Variants in GALNT13 observed in about 807,000 individuals in gnomAD.
GALNT13 encodes polypeptide N-acetylgalactosaminyltransferase 13, also known as UDP-GalNAc:polypeptide N-acetylgalactosaminyltransferase 13.
A neutral mutation model predicts 64.2 loss-of-function variants in GALNT13; 28 were observed. The observed-to-expected ratio is 0.44, with a 90% CI of 0.32 to 0.60. The LOEUF (loss-of-function observed/expected upper bound fraction) is 0.60, where lower values mean the gene tolerates loss of function less well. Ranked by LOEUF, GALNT13 falls within the 20% of genes least tolerant of loss-of-function variation. The probability of loss-of-function intolerance (pLI) is 0.05; values close to 1 mark genes in which losing one functional copy is unlikely to be tolerated. For missense variants in GALNT13, 577 were observed against 669.8 expected (o/e 0.86, Z 1.53); for synonymous variants, 214 against 224.6 (o/e 0.95, Z 0.42).
chr2:153,278,047 C>A, the GALNT13 span, among the ~76,000 whole-genome samples: 6 of 150,398 alleles, frequency 4.0e-5, no homozygotes, highest in Admixed American at 4.0e-4. Flanking sequence ...CTGCCTCAGC[C>A]TCCCAAGTAG....
chr2:153,892,555 A>C (rs189078082), intron 1 of GALNT13, among the ~76,000 whole-genome samples: 1 of 152,086 alleles, frequency 6.6e-6, no homozygotes, highest in African/African-American at 2.4e-5. Flanking sequence ...CACTTAAAAA[A>C]CAAAAAGACA....
chr2:153,672,826 A>C, the GALNT13 span, among the ~76,000 whole-genome samples: 2 of 151,970 alleles, frequency 1.3e-5, no homozygotes, highest in Non-Finnish European at 2.9e-5. Context: ...CTAATAAAGA[A>C]GAAATGAGAG....
At chr2:153,710,143 C>T in the GALNT13 span, among the ~76,000 whole-genome samples, 2 of 152,072 alleles carry the variant, frequency 1.3e-5, no homozygotes, top group Non-Finnish European at 2.9e-5. Flanking sequence ...GCTGTCACCA[C>T]AACAGATGAT....
the GALNT13 span, among the ~76,000 whole-genome samples, chr2:153,347,410 A>G: frequency 5.8e-4 from 88 of 152,210 alleles, 1 homozygote; most frequent in African/African-American, 2.1e-3. Flanking sequence ...GACTTCACTT[A>G]AGTCACAAAT....
chr2:153,655,157 T>C, the GALNT13 span, among the ~76,000 whole-genome samples: 1 of 152,166 alleles, frequency 6.6e-6, no homozygotes, highest in African/African-American at 2.4e-5. Context: ...AGCACTGCTC[T>C]GATTTTTCTT....
At chr2:153,803,658 C>G in the GALNT13 span, among the ~76,000 whole-genome samples, 1 of 147,088 alleles carries the variant, frequency 6.8e-6, no homozygotes, top group Non-Finnish European at 1.5e-5. Context: ...CGCCACTGCA[C>G]TCCAGCCTGG....
At chr2:153,628,274 A>G in the GALNT13 span, among the ~76,000 whole-genome samples, 6 of 151,834 alleles carry the variant, frequency 4.0e-5, no homozygotes, top group African/African-American at 9.7e-5. Flanking sequence ...CTAGATATAC[A>G]ATCATGTCGT....
At chr2:153,581,094 T>A in the GALNT13 span, among the ~76,000 whole-genome samples, 1 of 152,132 alleles carries the variant, frequency 6.6e-6, no homozygotes, top group Admixed American at 6.5e-5. Context: ...TTTTCATGTC[T>A]TATATCCTGT....
the GALNT13 span, among the ~76,000 whole-genome samples, chr2:153,323,943 T>G: frequency 6.6e-6 from 1 of 152,212 alleles, no homozygotes; most frequent in African/African-American, 2.4e-5. Flanking sequence ...GCTTTGTTCT[T>G]TTTGCTTAGG....
chr2:154,165,967 T>C (rs1684999259), intron 4 of GALNT13, among the ~76,000 whole-genome samples: 1 of 152,218 alleles, frequency 6.6e-6, no homozygotes, highest in South Asian at 2.1e-4. Context: ...TGTTTATTAT[T>C]TAAAGCTCTG....
chr2:153,082,769 A>T, the GALNT13 span, among the ~76,000 whole-genome samples: 1 of 145,846 alleles, frequency 6.9e-6, no homozygotes, highest in Non-Finnish European at 1.5e-5. Context: ...TAAAATATAT[A>T]TTATTTATTG....
chr2:154,001,784 C>T (rs918635763), intron 3 of GALNT13, among the ~76,000 whole-genome samples: 11 of 151,954 alleles, frequency 7.2e-5, no homozygotes, highest in African/African-American at 2.7e-4. Context: ...TGTTTTGATA[C>T]ATGTTAGAAT....
rs182769554 is a variant in GALNT13, at chr2:153,876,096, A to T, written c.-177+3793A>T. 2.6e-5 allele frequency among the ~76,000 whole-genome samples: 4 copies of T among 152,158 alleles called. No homozygotes were observed. In the East Asian group the frequency reaches 5.8e-4, roughly 22 times the overall value. ...CTAAATCCTTCCCTCTGCTCTTGTC[A>T]TCAAAATAAACACATGTGAAACATC... is the stretch of plus-strand genomic sequence containing the variant. On this transcript the variant is annotated intron_variant, in intron 1 of 12. Transcript: ENST00000392825.
the GALNT13 span, among the ~76,000 whole-genome samples, chr2:153,265,134 G>C: frequency 1.3e-5 from 2 of 152,158 alleles, no homozygotes; most frequent in Non-Finnish European, 2.9e-5. Flanking sequence ...TGTGCTGTTT[G>C]AGGTTGGGGA....
At chr2:153,187,087 G>A in the GALNT13 span, among the ~76,000 whole-genome samples, 1 of 152,118 alleles carries the variant, frequency 6.6e-6, no homozygotes, top group Non-Finnish European at 1.5e-5. Context: ...CCAAATTTAA[G>A]CAACTTTCTT....
At chr2:154,367,444 G>T (rs1697433292) in intron 9 of GALNT13, among the ~76,000 whole-genome samples, 1 of 152,164 alleles carries the variant, frequency 6.6e-6, no homozygotes, top group Non-Finnish European at 1.5e-5. Flanking sequence ...TACCTGGAAA[G>T]TCATAAAACA....
chr2:153,136,733 A>C, the GALNT13 span, among the ~76,000 whole-genome samples: 1 of 152,072 alleles, frequency 6.6e-6, no homozygotes, highest in Non-Finnish European at 1.5e-5. Context: ...ACGTTACTAC[A>C]TGTATTTTTG....
chr2:153,876,547 C>T (rs183495308), intron 1 of GALNT13, among the ~76,000 whole-genome samples: 1 of 152,182 alleles, frequency 6.6e-6, no homozygotes, highest in Non-Finnish European at 1.5e-5. Flanking sequence ...GCAGTGTAAA[C>T]CAAACAGACT....
intron 11 of GALNT13, among the ~76,000 whole-genome samples, chr2:154,426,113 T>C (rs1482510109): frequency 6.6e-6 from 1 of 152,138 alleles, no homozygotes; most frequent in Non-Finnish European, 1.5e-5. Flanking sequence ...AGAGCTGTGA[T>C]CTCAACTCAG....
Sources: gnomAD v4.1 joint callset for allele counts (sites outside exome capture counted in the v4.1 genomes callset) on GRCh38, gnomAD v4.1.1 for gene constraint, MANE v1.5 for transcripts, NCBI Gene and HGNC (gene_info 2026-07-23, HGNC 2026-07-21) for gene names.